DOCK10: variants seen among roughly 807,000 people sequenced by gnomAD.
DOCK10 encodes the protein dedicator of cytokinesis 10, also known as dedicator of cytokinesis protein 10.
Under a neutral mutation model 280.1 loss-of-function variants are expected in DOCK10, and 145 were observed. The observed-to-expected ratio is 0.52, with a 90% CI of 0.45 to 0.59. The LOEUF is 0.59. Ranked by LOEUF, DOCK10 falls within the 20% of genes least tolerant of loss-of-function variation. The probability of loss-of-function intolerance (pLI) is 0.00; values close to 1 mark genes in which losing one functional copy is unlikely to be tolerated. For synonymous variants in DOCK10, 915 were observed against 942.2 expected (o/e 0.97, Z 0.53); for missense variants, 2,368 against 2,651.7 (o/e 0.89, Z 2.35).
chr2:224,895,958 G>T (rs759966852), intron 4 of DOCK10, among the ~76,000 whole-genome samples: 1 of 151,426 alleles, frequency 6.6e-6, no homozygotes. Flanking sequence ...ACAGAATATT[G>T]TCAGAAAAAC....
intron 3 of DOCK10, among the ~76,000 whole-genome samples, chr2:224,907,712 G>A (rs1478099532): frequency 6.6e-6 from 1 of 151,180 alleles, no homozygotes; most frequent in Non-Finnish European, 1.5e-5. Context: ...AAAGAATAGA[G>A]GTTTGGCCAT....
chr2:224,865,446 T>C (rs1300289667), intron 11 of DOCK10, among the ~76,000 whole-genome samples: 1 of 152,246 alleles, frequency 6.6e-6, no homozygotes, highest in African/African-American at 2.4e-5. Context: ...GACTGCACTG[T>C]GGTTGAACTT....
chr2:224,775,147 G>T (rs767733062), intron 51 of DOCK10, 32 bp from the exon 52 acceptor site: 28 of 1,597,122 alleles, frequency 1.8e-5, no homozygotes, highest in Non-Finnish European at 1.6e-5. Flanking sequence ...AAAGTGAGTG[G>T]TGTGCCCTGG....
chr2:224,945,318 C>T (rs750772028), intron 1 of DOCK10, among the ~76,000 whole-genome samples: 13 of 152,108 alleles, frequency 8.5e-5, no homozygotes, highest in Admixed American at 6.6e-5. Flanking sequence ...ATATATCTGA[C>T]CAGTGGGGAG....
chr2:224,774,562 G>A (rs1454918412), intron 52 of DOCK10, among the ~76,000 whole-genome samples: 1 of 152,180 alleles, frequency 6.6e-6, no homozygotes, highest in Non-Finnish European at 1.5e-5. Context: ...CAAAGCACAC[G>A]ATAAGAGCTG....
At chr2:224,975,535 AAACTGGG>A in intron 1 of DOCK10, among the ~76,000 whole-genome samples, 1 of 152,212 alleles carries the variant, frequency 6.6e-6, no homozygotes, top group South Asian at 2.1e-4. Flanking sequence ...GAAAAAGATG[AAACTGGG>A]CAAAACATGT....
At chr2:224,894,181 A>T (rs1024928607) in intron 4 of DOCK10, among the ~76,000 whole-genome samples, 1 of 152,300 alleles carries the variant, frequency 6.6e-6, no homozygotes, top group Non-Finnish European at 1.5e-5. Context: ...TTCTCATGAG[A>T]TTAATCTTGC....
At chr2:225,023,687 T>C (rs983982775) in intron 1 of DOCK10, among the ~76,000 whole-genome samples, 3 of 152,120 alleles carry the variant, frequency 2.0e-5, no homozygotes, top group Non-Finnish European at 2.9e-5. Flanking sequence ...GAAAAGTCCA[T>C]GCACCTGCAC....
chr2:224,837,192 C>A (rs1051204815), intron 25 of DOCK10, among the ~76,000 whole-genome samples: 3 of 152,128 alleles, frequency 2.0e-5, no homozygotes, highest in Non-Finnish European at 4.4e-5. Context: ...CACAGGCCAA[C>A]TGGAAATGAG....
chr2:224,864,371 G>C (rs141951942), intron 13 of DOCK10, among the ~76,000 whole-genome samples, 182 bp downstream of exon 13: 2 of 152,054 alleles, frequency 1.3e-5, no homozygotes, highest in Non-Finnish European at 2.9e-5. Flanking sequence ...TTAGCTGGGC[G>C]TGGTGGCATG....
intron 1 of DOCK10, among the ~76,000 whole-genome samples, chr2:224,963,999 T>C (rs927474854): frequency 5.5e-5 from 8 of 146,262 alleles, no homozygotes; most frequent in Admixed American, 2.0e-4. Context: ...TAAAATTCTT[T>C]TTTTTTTTTT....
chr2:224,939,134 T>C (rs1403298382), intron 1 of DOCK10, among the ~76,000 whole-genome samples: 1 of 152,234 alleles, frequency 6.6e-6, no homozygotes, highest in Non-Finnish European at 1.5e-5. Context: ...TTGAATGTCT[T>C]AGTCCATTTC....
chr2:224,861,133 T>C (rs1373178049), intron 14 of DOCK10: 1 of 152,198 alleles, frequency 6.6e-6, no homozygotes, highest in East Asian at 1.9e-4. Flanking sequence ...TTAAAGCTTA[T>C]GAGAAATAAA....
At chr2:224,939,482 T>C (rs114859801) in intron 1 of DOCK10, among the ~76,000 whole-genome samples, 28 of 152,340 alleles carry the variant, frequency 1.8e-4, no homozygotes, top group African/African-American at 6.3e-4. Context: ...TCTGTATTTG[T>C]AAAGAAGTAG....
chr2:224,945,143 T>C (rs1703322789), intron 1 of DOCK10, among the ~76,000 whole-genome samples: 1 of 152,166 alleles, frequency 6.6e-6, no homozygotes, highest in African/African-American at 2.4e-5. Context: ...ACTCTCAGGG[T>C]GACATAATCC....
intron 2 of DOCK10, among the ~76,000 whole-genome samples, chr2:224,919,995 C>T (rs1701598717): frequency 1.3e-5 from 2 of 152,038 alleles, no homozygotes; most frequent in Admixed American, 6.6e-5. Context: ...CATAGTGCCA[C>T]GGATGGAACA....
intron 1 of DOCK10, among the ~76,000 whole-genome samples, chr2:224,959,983 T>C (rs1704269342): frequency 6.6e-6 from 1 of 152,144 alleles, no homozygotes; most frequent in Admixed American, 6.5e-5. Context: ...TGTACCTTGA[T>C]TTTCCTATGG....
At chr2:224,822,285 C>T (rs13427433) in intron 28 of DOCK10, among the ~76,000 whole-genome samples, 39,859 of 152,020 alleles carry the variant, frequency 0.26, 8,407 homozygotes, top group African/African-American at 0.59. Context: ...GTTTTTTCTT[C>T]GACTTTGCAT....
At chr2:224,991,659 T>C (rs1452581554) in intron 1 of DOCK10, among the ~76,000 whole-genome samples, 1 of 152,132 alleles carries the variant, frequency 6.6e-6, no homozygotes, top group Non-Finnish European at 1.5e-5. Flanking sequence ...TTGACTTCTC[T>C]TCACCAGCCC....
Sources: allele counts gnomAD v4.1 joint callset (sites outside exome capture counted in the v4.1 genomes callset), GRCh38; gene constraint gnomAD v4.1.1; transcripts MANE v1.5; gene names NCBI Gene and HGNC (gene_info 2026-07-23, HGNC 2026-07-21).